The following MTMR8 variants were observed in gnomAD, a reference collection of about 807,000 sequenced individuals.
The protein encoded by MTMR8 is myotubularin related protein 8, also known as phosphatidylinositol-3,5-bisphosphate 3-phosphatase MTMR8.
MTMR8 carries 65 observed loss-of-function variants against 39.3 expected under a neutral mutation model. That is an observed-to-expected ratio of 1.65 (90% CI 1.35 to 2.03). The LOEUF is 2.03. Among genes scored for constraint, MTMR8 ranks in the 30% most tolerant of loss-of-function variants. The pLI, the probability that MTMR8 is intolerant of heterozygous loss-of-function variation, is 0.00. For missense variants in MTMR8, 777 were observed against 538.9 expected, an observed-to-expected ratio of 1.44 and a Z score of -4.37; for synonymous variants, 245 against 185.2, an observed-to-expected ratio of 1.32 and a Z score of -2.62.
chrX:64,364,077 G>T (rs1350865495), intron 1 of MTMR8, among the ~76,000 whole-genome samples: 2 of 112,511 alleles, frequency 1.8e-5, no homozygotes, highest in Non-Finnish European at 3.8e-5. Flanking sequence ...GGTAAACAAA[G>T]CTGCCAGGAA....
At chrX:64,323,928 A>T (rs1431293033) in intron 12 of MTMR8, among the ~76,000 whole-genome samples, 4 of 112,880 alleles carry the variant, frequency 3.5e-5, no homozygotes, top group African/African-American at 1.3e-4. Flanking sequence ...TCTAAAAGGA[A>T]ATCTTATAGC....
intron 8 of MTMR8, among the ~76,000 whole-genome samples, chrX:64,340,135 A>G (rs1194744952): frequency 9.0e-5 from 10 of 111,538 alleles, no homozygotes; most frequent in Non-Finnish European, 1.9e-4. Flanking sequence ...AGGATAAGAG[A>G]CAAGGTGGAA....
chrX:64,345,808 A>C (rs958789964), intron 6 of MTMR8, among the ~76,000 whole-genome samples: 1 of 111,589 alleles, frequency 9.0e-6, no homozygotes, highest in Non-Finnish European at 1.9e-5. Context: ...TTTTTTGTAA[A>C]GACAGTCTCG....
At chrX:64,391,389 T>C (rs1224584380) in intron 1 of MTMR8, among the ~76,000 whole-genome samples, 1 of 112,512 alleles carries the variant, frequency 8.9e-6, no homozygotes, top group Non-Finnish European at 1.9e-5. Context: ...CACATAACAC[T>C]ATTCTCTAGA....
chrX:64,325,111 G>A (rs111427494), intron 12 of MTMR8, among the ~76,000 whole-genome samples: 315 of 111,330 alleles, frequency 2.8e-3, no homozygotes, highest in Non-Finnish European at 4.9e-3. Context: ...AAAGAATGAA[G>A]AAATAGAAAA....
At chrX:64,287,617 G>A (rs940802238) in intron 12 of MTMR8, among the ~76,000 whole-genome samples, 1 of 110,418 alleles carries the variant, frequency 9.1e-6, no homozygotes, top group Admixed American at 9.7e-5. Context: ...CCAAAACAGA[G>A]ATATAGACCA....
At chrX:64,279,041 T>G (rs1385528689) in intron 12 of MTMR8, among the ~76,000 whole-genome samples, 3 of 110,754 alleles carry the variant, frequency 2.7e-5, no homozygotes, top group Admixed American at 9.5e-5. Context: ...TCAGGAGGCA[T>G]GGGGTCAGGG....
At chrX:64,378,826 T>C (rs1453501624) in intron 1 of MTMR8, among the ~76,000 whole-genome samples, 1 of 111,412 alleles carries the variant, frequency 9.0e-6, no homozygotes, top group African/African-American at 3.3e-5. Context: ...AGGAAATCAA[T>C]AGAGAAAATC....
Position 64,303,884 on chromosome X carries a change from A to G in MTMR8, c.1481+24888T>C, listed in dbSNP as rs184294728. On this transcript the variant is annotated intron_variant, in intron 12 of 13. Transcript: ENST00000374852. ...TGAAAATGAACTATGCTGTAAATTT[A>G]CCTCATGCAAAGATCTTTATGTTCT... 2.5e-4 allele frequency among the ~76,000 whole-genome samples: 28 copies of G among 112,409 alleles called. No homozygotes were observed. In the East Asian group the frequency reaches 3.9e-3, roughly 16 times the overall value.
At chrX:64,283,159 G>A (rs1007470541) in intron 12 of MTMR8, among the ~76,000 whole-genome samples, 3 of 112,012 alleles carry the variant, frequency 2.7e-5, no homozygotes, top group Non-Finnish European at 5.6e-5. Flanking sequence ...CACAGCAGAC[G>A]GCACACCAGG....
rs919478040 is a variant in MTMR8 at position 64,337,181 on chromosome X, C to T, written c.1101+87G>A. On this transcript the variant is annotated intron_variant, in intron 9 of 13. Coordinates refer to ENST00000374852, the MANE Select transcript of MTMR8 (RefSeq NM_017677.4). ...TTTGTAGACTTAGAGCTAACTCTGGCAAAAAAAATATTGTTTGACAGTTAT... is the reference window on the plus strand; with the variant it reads ...TTTGTAGACTTAGAGCTAACTCTGGTAAAAAAAATATTGTTTGACAGTTAT... The T allele has an allele frequency of 6.6e-5, 69 of 1,048,013 alleles. No individual in the cohort carries two copies. The African/African-American group carries it at 1.1e-3, about 17-fold the overall frequency. The allele number at this position is 1,048,013 out of a possible 1,213,427, so 86.4% of individuals were successfully genotyped here.
intron 8 of MTMR8, among the ~76,000 whole-genome samples, chrX:64,340,551 C>G (rs1923187943): frequency 9.0e-6 from 1 of 111,285 alleles, no homozygotes. Flanking sequence ...TGATGTGGGA[C>G]AATGAGTAAT....
At position 64,293,621 on chromosome X, in the gene MTMR8, A is replaced by C. The variant is rs757867204; in HGVS notation, c.1482-22548T>G. On this transcript the variant is annotated intron_variant, in intron 12 of 13. Transcript: ENST00000374852. ...CACATAGGGATCTGGTGGTTGCAGA[A>C]GGTGGCTACTTCCAGTAGACAATCA... 1.4e-3 allele frequency among the ~76,000 whole-genome samples: 158 copies of C among 111,310 alleles called. 1 individual carries two copies. The highest frequency in any genetic ancestry group is 5.0e-3 in the African/African-American group (154 of 30,631).
chrX:64,393,459 A>AT lies in MTMR8; in HGVS notation c.24+1880dup, dbSNP rs779331746. Among the ~76,000 whole-genome samples, 13 of 112,088 alleles carry AT rather than the reference A, an allele frequency of 1.2e-4. No homozygotes were observed. The South Asian group carries it at 4.5e-3, about 39-fold the overall frequency. ...CAATCCCTAACAGGGGAATTTTAAT[A>AT]TTTTAACACTCAAGGACAGGAGCAG... is the stretch of plus-strand genomic sequence containing the variant. On this transcript the variant is annotated intron_variant, in intron 1 of 13. Transcript: ENST00000374852.
chrX:64,346,318 G>C (rs1417962243), intron 6 of MTMR8, among the ~76,000 whole-genome samples: 2 of 111,136 alleles, frequency 1.8e-5, no homozygotes, highest in Non-Finnish European at 3.8e-5. Context: ...ATTCAAGTTA[G>C]AACATGCAGA....
chrX:64,362,432 C>A (rs1407831653), intron 1 of MTMR8, among the ~76,000 whole-genome samples: 3 of 23,053 alleles, frequency 1.3e-4, no homozygotes, highest in Non-Finnish European at 2.5e-4. Flanking sequence ...GGAAAAAAAT[C>A]AACAACAACA....
chrX:64,280,181 C>A (rs1181090039), intron 12 of MTMR8, among the ~76,000 whole-genome samples: 1 of 112,093 alleles, frequency 8.9e-6, no homozygotes, highest in Non-Finnish European at 1.9e-5. Flanking sequence ...GGAACGACTT[C>A]TCCTTAACTC....
intron 12 of MTMR8, among the ~76,000 whole-genome samples, chrX:64,289,794 C>A (rs943266971): frequency 2.7e-5 from 3 of 110,747 alleles, no homozygotes; most frequent in South Asian, 7.6e-4. Flanking sequence ...TATATACAAC[C>A]AATTAAATAT....
chrX:64,283,844 C>T (rs1202900815), intron 12 of MTMR8, among the ~76,000 whole-genome samples: 2 of 111,857 alleles, frequency 1.8e-5, no homozygotes, highest in Non-Finnish European at 3.8e-5. Flanking sequence ...CATCAAAGAC[C>T]AAAGGTAGAT....
Sources: gnomAD v4.1 joint callset for allele counts (sites outside exome capture counted in the v4.1 genomes callset) on GRCh38, gnomAD v4.1.1 for gene constraint, MANE v1.5 for transcripts, NCBI Gene and HGNC (gene_info 2026-07-23, HGNC 2026-07-21) for gene names.